Variants in PAPOLG observed in about 807,000 individuals in gnomAD.
The protein encoded by PAPOLG is PAP-gamma.
In PAPOLG, 40 loss-of-function variants were observed where a neutral mutation model predicts 99.0. That is an observed-to-expected ratio of 0.40 (90% CI 0.31 to 0.53). The LOEUF (loss-of-function observed/expected upper bound fraction) is 0.53, where lower values mean the gene tolerates loss of function less well. Ranked by LOEUF, PAPOLG falls within the 20% of genes least tolerant of loss-of-function variation. The probability of loss-of-function intolerance (pLI) is 0.41; values close to 1 mark genes in which losing one functional copy is unlikely to be tolerated. For missense variants in PAPOLG, 675 were observed against 884.1 expected, an observed-to-expected ratio of 0.76 and a Z score of 3.00; for synonymous variants, 310 against 299.3, an observed-to-expected ratio of 1.04 and a Z score of -0.37.
intron 21 of PAPOLG, among the ~76,000 whole-genome samples, chr2:60,796,204 CTTCCTTTTTTTTT>C (rs1671690598): frequency 7.1e-6 from 1 of 141,410 alleles, no homozygotes; most frequent in Non-Finnish European, 1.5e-5. Flanking sequence ...TAGATTTTGC[CTTCCTTTTTTTTT>C]TTTTTTTTTT....
At chr2:60,758,080 C>A (rs1426994653) in intron 1 of PAPOLG, among the ~76,000 whole-genome samples, 1 of 152,066 alleles carries the variant, frequency 6.6e-6, no homozygotes, top group East Asian at 1.9e-4. Context: ...TATTCAATAC[C>A]CCTTAGGATT....
chr2:60,779,082 A>G (rs1192664005), intron 8 of PAPOLG, among the ~76,000 whole-genome samples: 1 of 151,818 alleles, frequency 6.6e-6, no homozygotes, highest in African/African-American at 2.4e-5. Context: ...GTGAGAGCCC[A>G]TCTCTTAAAA....
intron 3 of PAPOLG, among the ~76,000 whole-genome samples, chr2:60,767,997 C>G (rs1460026524): frequency 6.6e-6 from 1 of 152,218 alleles, no homozygotes; most frequent in Non-Finnish European, 1.5e-5. Context: ...CTTCAGATCA[C>G]AACCAGAGGA....
In PAPOLG at chr2:60,767,704, G is replaced by A. The variant is rs149498106; in HGVS notation, c.247-766G>A. Among the ~76,000 whole-genome samples, 40 of 152,312 alleles carry A rather than the reference G, an allele frequency of 2.6e-4. No individual in the cohort carries two copies. The East Asian group carries it at 7.5e-3, about 29-fold the overall frequency. The stretch of plus-strand genomic sequence containing the variant: ...GGAATGACTCCGTTCTTACAGAAAG[G>A]TTGTAGAGCTAGAATCAAGAAATTA... On this transcript the variant is annotated intron_variant, in intron 3 of 21. Transcript: ENST00000238714.
chr2:60,765,353 C>T (rs925936670), intron 3 of PAPOLG, among the ~76,000 whole-genome samples: 3 of 146,322 alleles, frequency 2.1e-5, no homozygotes, highest in African/African-American at 7.6e-5. Flanking sequence ...GTTGAGATTA[C>T]AGGCATGAGT....
intron 13 of PAPOLG, 94 bp downstream of exon 13, chr2:60,783,303 A>G: frequency 2.3e-6 from 1 of 436,526 alleles, no homozygotes; most frequent in South Asian, 5.0e-5. Flanking sequence ...TTCTTGCTTG[A>G]TTTTCAAAAT....
In PAPOLG at chr2:60,792,282, A is replaced by G. The variant is rs200469768; in HGVS notation, c.1672A>G (p.Thr558Ala). Residue 558 changes from threonine (T) to alanine (A), a missense_variant, in exon 17 of 22, where the codon ACA (threonine) becomes GCA (alanine). By Grantham distance (58) the Thr-to-Ala change is moderately conservative. Around this residue, in one of 3 missense-constraint regions of PAPOLG, gnomAD observed 413 missense variants for 460.5 expected, o/e 0.90. Transcript: ENST00000238714. ...GTCTGATAGCCCTTCTGTAGGAGAA[A>G]CAGAAAGGTCTGTCTTTATTTCAAA... ...SKSDSPSVGETERNSAEPAAV... is the reference protein window; with the variant it reads ...SKSDSPSVGEAERNSAEPAAV... 6.9e-6 allele frequency: 11 copies of G among 1,599,808 alleles called. No individual in the cohort carries two copies. In the East Asian group the frequency reaches 1.8e-4, roughly 26 times the overall value.
intron 21 of PAPOLG, among the ~76,000 whole-genome samples, chr2:60,796,248 C>T (rs571308104): frequency 4.4e-4 from 57 of 129,436 alleles, no homozygotes; most frequent in African/African-American, 1.5e-3. Context: ...CATGGAGGCT[C>T]GCTCTGTAGC....
At chr2:60,782,653 C>CTTTTTTTTTTTTTT (rs747526129) in intron 11 of PAPOLG, 33 bp from the exon 12 acceptor site, 15 of 1,065,956 alleles carry the variant, frequency 1.4e-5, no homozygotes, top group South Asian at 5.7e-5. Flanking sequence ...CATTCTTCTT[C>CTTTTTTTTTTTTTT]TTTTTTTTTT....
At chr2:60,777,323 G>A (rs1392124298) in intron 8 of PAPOLG, among the ~76,000 whole-genome samples, 1 of 152,130 alleles carries the variant, frequency 6.6e-6, no homozygotes, top group African/African-American at 2.4e-5. Flanking sequence ...GAGTGTGGTG[G>A]CACGTGCCTG....
intron 13 of PAPOLG, 51 bp downstream of exon 13, chr2:60,783,260 A>G: frequency 1.8e-6 from 2 of 1,085,612 alleles, no homozygotes; most frequent in South Asian, 3.3e-5. Context: ...ATAGTAACTT[A>G]TTTATATGGT....
At chr2:60,793,870 C>T (rs1671616058) in intron 18 of PAPOLG, 101 bp from the exon 19 acceptor site, 1 of 1,427,214 alleles carries the variant, frequency 7.0e-7, no homozygotes, top group Admixed American at 2.1e-5. Context: ...GTGATCAAGC[C>T]ACTGCACTGC....
chr2:60,792,806 C>T (rs551695214), intron 17 of PAPOLG, among the ~76,000 whole-genome samples: 3 of 152,168 alleles, frequency 2.0e-5, no homozygotes, highest in South Asian at 2.1e-4. Context: ...GAGGCCAAGG[C>T]GGGCAGATCA....
intron 11 of PAPOLG, 62 bp downstream of exon 11, chr2:60,782,067 T>G (rs1671205777): frequency 2.0e-6 from 3 of 1,512,854 alleles, no homozygotes; most frequent in Non-Finnish European, 2.8e-6. Flanking sequence ...ACAGTTTTAT[T>G]CTCTGTTGCA....
chr2:60,761,823 A>G lies in PAPOLG; in HGVS notation c.246+16A>G. On this transcript the variant is annotated intron_variant, in intron 3 of 21. Transcript: ENST00000238714. Reference sequence around the variant, plus strand: ...CGAGAGTAAGGTAAGACTCTAAACTATGTGGAATTCTTGTTTTTATTATAT... The same window carrying G: ...CGAGAGTAAGGTAAGACTCTAAACTGTGTGGAATTCTTGTTTTTATTATAT... The G allele has an allele frequency of 6.6e-7, 1 of 1,512,520 alleles. No homozygotes were observed. The highest frequency in any genetic ancestry group is 9.1e-7 in the Non-Finnish European group (1 of 1,097,508). 93.7% of individuals were successfully genotyped at this position (1,512,520 alleles called of 1,614,324 possible).
chr2:60,778,950 T>A (rs372962311), intron 8 of PAPOLG, among the ~76,000 whole-genome samples: 1 of 152,112 alleles, frequency 6.6e-6, no homozygotes, highest in Non-Finnish European at 1.5e-5. Flanking sequence ...ATGACAACCA[T>A]GGTGGTGCAC....
At chr2:60,768,344 C>G (rs1670746922) in intron 3 of PAPOLG, 126 bp from the exon 4 acceptor site, 1 of 845,162 alleles carries the variant, frequency 1.2e-6, no homozygotes, top group Non-Finnish European at 1.8e-6. Context: ...TCAGGTGATC[C>G]ACCGGCCTTG....
chr2:60,795,518 T>C (rs1671669789), intron 21 of PAPOLG, among the ~76,000 whole-genome samples: 1 of 152,124 alleles, frequency 6.6e-6, no homozygotes, highest in Admixed American at 6.5e-5. Flanking sequence ...ATTACTTTTA[T>C]AACTAAAAAT....
chr2:60,786,380 G>A (rs1005164693), intron 13 of PAPOLG, among the ~76,000 whole-genome samples: 6 of 150,918 alleles, frequency 4.0e-5, no homozygotes, highest in Admixed American at 1.3e-4. Flanking sequence ...ATAGGTGTGC[G>A]CCATACTCGG....
Sources: gnomAD v4.1 joint callset for allele counts (sites outside exome capture counted in the v4.1 genomes callset) on GRCh38, gnomAD v4.1.1 for gene constraint, gnomAD v4.1.1 regional missense constraint, MANE v1.5 for transcripts, NCBI Gene and HGNC (gene_info 2026-07-23, HGNC 2026-07-21) for gene names.